Variants in GLRA1 observed in about 807,000 individuals in gnomAD.
GLRA1 encodes the protein glycine receptor alpha 1.
In GLRA1, 37 loss-of-function variants were observed where a neutral mutation model predicts 48.3. That is an observed-to-expected ratio of 0.77 (90% CI 0.59 to 1.01). GLRA1 has a LOEUF of 1.01. Among genes scored for constraint, GLRA1 ranks in the 50% least tolerant of loss-of-function variants. The pLI is 0.00. For synonymous variants in GLRA1, 196 were observed against 210.7 expected, an observed-to-expected ratio of 0.93 and a Z score of 0.60; for missense variants, 427 against 571.0, an observed-to-expected ratio of 0.75 and a Z score of 2.57.
At chr5:151,876,850 A>T (rs1164552016) in intron 3 of GLRA1, among the ~76,000 whole-genome samples, 1 of 152,170 alleles carries the variant, frequency 6.6e-6, no homozygotes, top group Admixed American at 6.5e-5. Flanking sequence ...TAAGGAGGTG[A>T]TAAAGGTTAA....
chr5:151,835,692 A>G (rs1763558732), intron 7 of GLRA1, among the ~76,000 whole-genome samples: 1 of 152,238 alleles, frequency 6.6e-6, no homozygotes, highest in Non-Finnish European at 1.5e-5. Context: ...TCATAAAGAC[A>G]GAACCAATGC....
In GLRA1 at chr5:151,859,860, GC is replaced by G; in HGVS notation, c.400del (p.Ala134ProfsTer13). On this transcript the variant is annotated frameshift_variant, in exon 4 of 9. Coordinates refer to ENST00000274576, the MANE Select transcript of GLRA1 (RefSeq NM_000171.4). LOFTEE classifies it high-confidence loss of function. Reference sequence around the variant, plus strand: ...GTCTGTGGTGATCTCATGGAAGTGGGCCCCCTTCTCGTTGGCAAAGAACAGG... The same window carrying G: ...GTCTGTGGTGATCTCATGGAAGTGGGCCCCTTCTCGTTGGCAAAGAACAGG... ...PDLFFANEKG[A>X]HFHEITTDNK... is the part of the protein sequence containing the mutation. The G allele has an allele frequency of 6.2e-7, 1 of 1,614,032 alleles. No individual in the cohort carries two copies. The highest frequency in any genetic ancestry group is 1.1e-5 in the South Asian group (1 of 91,070).
At chr5:151,871,325 A>C (rs530050286) in intron 3 of GLRA1, among the ~76,000 whole-genome samples, 2 of 149,630 alleles carry the variant, frequency 1.3e-5, no homozygotes, top group Non-Finnish European at 2.9e-5. Context: ...AAAAAGGAAC[A>C]ACAACAAAAG....
chr5:151,853,412 ATTTTTT>A, intron 6 of GLRA1, among the ~76,000 whole-genome samples: 1 of 140,962 alleles, frequency 7.1e-6, no homozygotes, highest in South Asian at 2.3e-4. Context: ...TGCCCAACTA[ATTTTTT>A]TTTTTTTTTG....
At chr5:151,865,494 T>C (rs1332989551) in intron 3 of GLRA1, among the ~76,000 whole-genome samples, 2 of 152,160 alleles carry the variant, frequency 1.3e-5, no homozygotes, top group East Asian at 1.9e-4. Flanking sequence ...GGAGGACACA[T>C]GCAGGGTCTT....
chr5:151,843,256 AT>A (rs34491994), intron 7 of GLRA1, among the ~76,000 whole-genome samples: 3,250 of 120,738 alleles, frequency 0.027, 54 homozygotes, highest in African/African-American at 0.082. Context: ...CTGCTTCTAA[AT>A]TTTTTTTTTT....
intron 8 of GLRA1, among the ~76,000 whole-genome samples, chr5:151,823,328 C>T (rs1445273146): frequency 1.3e-5 from 2 of 152,092 alleles, no homozygotes; most frequent in African/African-American, 4.8e-5. Context: ...TAAGATTCTC[C>T]CCACTACTCC....
intron 7 of GLRA1, among the ~76,000 whole-genome samples, chr5:151,837,273 T>C (rs1763601968): frequency 6.6e-6 from 1 of 152,196 alleles, no homozygotes. Flanking sequence ...TACCATGTCA[T>C]GCCAGTTAGA....
At chr5:151,851,657 G>T (rs1343493388) in intron 6 of GLRA1, 53 bp from the exon 7 acceptor site, 3 of 1,237,294 alleles carry the variant, frequency 2.4e-6, no homozygotes, top group Admixed American at 3.4e-5. Context: ...AGGACAAAAG[G>T]CTTTAGGATT....
chr5:151,833,088 C>G (rs969464878), intron 7 of GLRA1, among the ~76,000 whole-genome samples: 6 of 152,128 alleles, frequency 3.9e-5, no homozygotes, highest in Non-Finnish European at 8.8e-5. Context: ...CCTTTACAGA[C>G]AAGCAAATGC....
Position 151,892,392 on chromosome 5 carries a change from G to A in GLRA1, c.103C>T (p.Pro35Ser). The change falls in exon 2 of 9, where the codon CCT becomes TCT. Residue 35 changes from proline (P) to serine (S), a missense_variant. Around this residue, in one of 4 missense-constraint regions of GLRA1, gnomAD observed 271 missense variants for 434.9 expected, o/e 0.62. Coordinates refer to ENST00000274576, the MANE Select transcript of GLRA1 (RefSeq NM_000171.4). ...EAEAARSAPK[P>S]MSPSDFLDKL... The stretch of plus-strand genomic sequence containing the variant: ...TCCAGGAAATCCGAGGGTGACATAG[G>A]CTTGGGTGCGGAGCGAGCAGCTTCA... The A allele has an allele frequency of 6.2e-7, 1 of 1,614,032 alleles. No homozygotes were observed. Among genetic ancestry groups the A allele is most frequent in the Non-Finnish European group, 8.5e-7 (1 of 1,179,908 alleles).
At chr5:151,857,552 G>T (rs1046635931) in intron 4 of GLRA1, among the ~76,000 whole-genome samples, 2 of 152,126 alleles carry the variant, frequency 1.3e-5, no homozygotes, top group Non-Finnish European at 2.9e-5. Context: ...CACACACAGG[G>T]CTCATCAAAG....
intron 3 of GLRA1, among the ~76,000 whole-genome samples, chr5:151,882,680 C>A (rs77380123): frequency 1.4e-3 from 211 of 151,988 alleles, no homozygotes; most frequent in African/African-American, 4.8e-3. Flanking sequence ...CAACCAGATT[C>A]TCTCTCCAGA....
At chr5:151,832,197 C>T (rs539721724) in intron 7 of GLRA1, among the ~76,000 whole-genome samples, 1 of 152,316 alleles carries the variant, frequency 6.6e-6, no homozygotes, top group African/African-American at 2.4e-5. Context: ...AGAGGAAAAG[C>T]CAGCACAAAA....
chr5:151,857,855 A>G (rs916102557), intron 4 of GLRA1, among the ~76,000 whole-genome samples: 2 of 152,236 alleles, frequency 1.3e-5, no homozygotes, highest in African/African-American at 4.8e-5. Flanking sequence ...CAGAGCCCAA[A>G]GAGCCTTAGA....
Position 151,859,914 on chromosome 5 carries a change from G to T in GLRA1, c.347C>A (p.Ser116Tyr), listed in dbSNP as rs775032574. 50 of 1,613,864 alleles carry T rather than the reference G, an allele frequency of 3.1e-5. No individual in the cohort carries two copies. The highest frequency in any genetic ancestry group is 4.0e-5 in the Non-Finnish European group (47 of 1,179,882). Residue 116 changes from serine to tyrosine, a missense_variant, in exon 4 of 9, where the codon TCC (serine) becomes TAC (tyrosine). Ser to Tyr is a moderately radical substitution (Grantham distance 144, BLOSUM62 -2). Transcript: ENST00000274576. ...AGGTTTCCAGATGGAGTCCAGCATG[G>T]ATGGGTCCAGGTCCAGAGAGTCGTC... ...YPDDSLDLDPSMLDSIWKPDL... is the reference protein window; with the variant it reads ...YPDDSLDLDPYMLDSIWKPDL...
chr5:151,829,797 A>G (rs542008783), intron 7 of GLRA1, among the ~76,000 whole-genome samples: 12 of 152,200 alleles, frequency 7.9e-5, no homozygotes, highest in African/African-American at 2.9e-4. Flanking sequence ...CCACTAATCC[A>G]TATTTTATAT....
At chr5:151,845,452 G>T (rs535737486) in intron 7 of GLRA1, among the ~76,000 whole-genome samples, 1 of 152,132 alleles carries the variant, frequency 6.6e-6, no homozygotes, top group East Asian at 1.9e-4. Flanking sequence ...GATACAGAAG[G>T]GATCAATAAG....
chr5:151,849,497 TTTTC>T lies in GLRA1; in HGVS notation c.912+1889_912+1892del, dbSNP rs71584802. On this transcript the variant is annotated intron_variant, in intron 7 of 8. Coordinates refer to ENST00000274576, the MANE Select transcript of GLRA1 (RefSeq NM_000171.4). The stretch of plus-strand genomic sequence containing the variant: ...CTTCCTTCCTTCCTTCCTTCCTTTC[TTTTC>T]TTTCTTTCTTTCTTTCTTTTTTTCT... Among the ~76,000 whole-genome samples, 298 of 89,098 alleles carry T rather than the reference TTTTC, an allele frequency of 3.3e-3. 80 individuals are homozygous for T. Among genetic ancestry groups the T allele is most frequent in the African/African-American group, 0.014 (238 of 17,450 alleles). 58.5% of individuals were successfully genotyped at this position (89,098 alleles called of 152,430 possible).
Sources: gnomAD v4.1 joint callset for allele counts (sites outside exome capture counted in the v4.1 genomes callset) on GRCh38, gnomAD v4.1.1 for gene constraint, gnomAD v4.1.1 regional missense constraint, MANE v1.5 for transcripts, NCBI Gene and HGNC (gene_info 2026-07-23, HGNC 2026-07-21) for gene names.